The following ADAMTSL4 variants were observed in gnomAD, a reference collection of about 807,000 sequenced individuals.
The protein encoded by ADAMTSL4 is ADAMTS like 4.
A neutral mutation model predicts 122.8 loss-of-function variants in ADAMTSL4; 97 were observed. That is an observed-to-expected ratio of 0.79 (90% CI 0.67 to 0.93). The LOEUF is 0.93. Among genes scored for constraint, ADAMTSL4 ranks in the 40% least tolerant of loss-of-function variants. The probability of loss-of-function intolerance (pLI) is 0.00; values close to 1 mark genes in which losing one functional copy is unlikely to be tolerated. For missense variants in ADAMTSL4, 1,408 were observed against 1,453.5 expected, an observed-to-expected ratio of 0.97 and a Z score of 0.51; for synonymous variants, 592 against 568.0, an observed-to-expected ratio of 1.04 and a Z score of -0.60.
At chr1:150,551,526 TC>T (rs1268710456) in intron 2 of ADAMTSL4, 1 of 160,698 alleles carries the variant, frequency 6.2e-6, no homozygotes, top group Admixed American at 5.8e-5. Flanking sequence ...GTCTGGCGCA[TC>T]CTCAGTGGAG....
At chr1:150,558,687 G>A in intron 15 of ADAMTSL4, 38 bp downstream of exon 15, 1 of 1,613,772 alleles carries the variant, frequency 6.2e-7, no homozygotes, top group Non-Finnish European at 8.5e-7. Flanking sequence ...TGCATCCTGG[G>A]TAACCACGCC....
rs1376807334 is a variant in ADAMTSL4 at position 150,557,488 on chromosome 1, A to G, written c.2048-6A>G. On this transcript the variant is annotated splice_region_variant and splice_polypyrimidine_tract_variant and intron_variant, in intron 12 of 18. Transcript: ENST00000271643. ...TGCCTCCCTGGCTGCCTTCTCACCC[A>G]CTCAGGTGTCTGGCGCCCCATTTTC... is the stretch of plus-strand genomic sequence containing the variant. 1 of 1,612,904 alleles carries G rather than the reference A, an allele frequency of 6.2e-7. No homozygotes were observed. The highest frequency in any genetic ancestry group is 8.5e-7 in the Non-Finnish European group (1 of 1,179,890).
Position 150,554,738 on chromosome 1 carries a change from A to T in ADAMTSL4, c.1234+271A>T. ...CATCACTGGGGGTCAGGTGGCTGTG[A>T]CACAAGAGGGCCATGGTGGGAGAGA... On this transcript the variant is annotated intron_variant, in intron 7 of 18. Transcript: ENST00000271643. This position sits in a 1 kb window ranked among gnomAD's most constrained non-coding sequence, Gnocchi z 4.0. The T allele has an allele frequency of 7.5e-7, 1 of 1,340,832 alleles. No homozygotes were observed. 83.1% of individuals were successfully genotyped at this position (1,340,832 alleles called of 1,614,324 possible).
chr1:150,553,668 C>G lies in ADAMTSL4; in HGVS notation c.677C>G (p.Pro226Arg). The G allele has an allele frequency of 1.2e-6, 2 of 1,613,570 alleles. No homozygotes were observed. Among genetic ancestry groups the G allele is most frequent in the South Asian group, 2.2e-5 (2 of 91,060 alleles). ...GAACTGTCTGTCCACACCCCATCCC[C>G]CCAAGCAGAACCTCTAAGCCCTGAA... ...PTELSVHTPSPQAEPLSPETA... is the reference protein window; with the variant it reads ...PTELSVHTPSRQAEPLSPETA... Residue 226 changes from proline (P) to arginine (R), a missense_variant, in exon 6 of 19, where the codon CCC becomes CGC. Pro to Arg is a moderately radical substitution (Grantham distance 103). Coordinates refer to ENST00000271643, the MANE Select transcript of ADAMTSL4 (RefSeq NM_019032.6).
In ADAMTSL4 at chr1:150,553,744, T is replaced by A; in HGVS notation, c.753T>A (p.His251Gln). The change falls in exon 6 of 19, where the codon CAT (histidine) becomes CAA (glutamine). Residue 251 changes from histidine (H) to glutamine (Q), a missense_variant. Physicochemically the swap from His to Gln is conservative, Grantham distance 24. Coordinates refer to ENST00000271643, the MANE Select transcript of ADAMTSL4 (RefSeq NM_019032.6). ...APRTRPAPLR[H>Q]HPRAQASGTE... ...GAACCAGGCCTGCCCCCCTACGGCA[T>A]CACCCCAGAGCCCAGGCCTCTGGCA... The A allele has an allele frequency of 6.2e-7, 1 of 1,607,696 alleles. No individual in the cohort carries two copies. The highest frequency in any genetic ancestry group is 8.5e-7 in the Non-Finnish European group (1 of 1,177,242).
rs1456256960 is a variant in ADAMTSL4 at position 150,558,575 on chromosome 1, C to T, written c.2485C>T (p.Gln829Ter). The change falls in exon 15 of 19, where the codon CAG (glutamine) becomes TAG (stop). Residue 829 changes from glutamine (Q) to a stop codon, truncating the protein, a stop_gained. Transcript: ENST00000271643. LOFTEE classifies it high-confidence loss of function. ...SEQECASGPP[Q>*]PPSREACDMG... ...GCAGGAGTGTGCGTCAGGCCCCCCGCAGCCCCCCAGCAGAGAGGCCTGTGA... is the reference window on the plus strand; with the variant it reads ...GCAGGAGTGTGCGTCAGGCCCCCCGTAGCCCCCCAGCAGAGAGGCCTGTGA... The T allele has an allele frequency of 1.2e-6, 2 of 1,613,076 alleles. No homozygotes were observed. Among genetic ancestry groups the T allele is most frequent in the Non-Finnish European group, 1.7e-6 (2 of 1,179,316 alleles).
rs1456785790 is a variant in ADAMTSL4 at position 150,556,986 on chromosome 1, C to T, written c.1797C>T (p.Ile599=). The T allele has an allele frequency of 1.2e-6, 2 of 1,614,040 alleles. No homozygotes were observed. Among genetic ancestry groups the T allele is most frequent in the Non-Finnish European group, 8.5e-7 (1 of 1,179,986 alleles). Residue 599 remains isoleucine (I), a synonymous_variant, in exon 11 of 19, where the codon ATC becomes ATT. Coordinates refer to ENST00000271643, the MANE Select transcript of ADAMTSL4 (RefSeq NM_019032.6). The surrounding 1 kb of genome is among the most constrained non-coding windows in gnomAD (Gnocchi z 4.1). ...ENPGVFYQYV[I]SSPPPILENP... ...CAGGCGTTTTTTATCAGTATGTCAT[C>T]TCTTCACCTCCTCCAATCCTTGAGA...
At position 150,554,115 on chromosome 1, in the gene ADAMTSL4, G is replaced by A; in HGVS notation, c.1124G>A (p.Ser375Asn). 3 of 1,599,348 alleles carry A rather than the reference G, an allele frequency of 1.9e-6. No individual in the cohort carries two copies. Among genetic ancestry groups the A allele is most frequent in the Non-Finnish European group, 2.5e-6 (3 of 1,179,924 alleles). ...SGESEQLRAC[S>N]QAPCPPEQPD... ...GAGAGTGAACAGCTAAGAGCCTGCA[G>A]CCAAGCGGTGAGTCTCCTCGGGCCT... Residue 375 changes from serine to asparagine, a missense_variant, in exon 6 of 19, where the codon AGC becomes AAC. Transcript: ENST00000271643. This position sits in a 1 kb window ranked among gnomAD's most constrained non-coding sequence, Gnocchi z 4.0.
rs898140143 is a variant in ADAMTSL4, at chr1:150,552,759, G to A, written c.79-139G>A. 42 of 1,272,204 alleles carry A rather than the reference G, an allele frequency of 3.3e-5. No individual in the cohort carries two copies. The highest frequency in any genetic ancestry group is 1.2e-4 in the South Asian group (10 of 81,798). 78.8% of individuals were successfully genotyped at this position (1,272,204 alleles called of 1,614,324 possible). A position where few individuals can be genotyped will look rare whatever the true frequency, so the allele number is the denominator to read the frequency against. On this transcript the variant is annotated intron_variant, in intron 4 of 18. Coordinates refer to ENST00000271643, the MANE Select transcript of ADAMTSL4 (RefSeq NM_019032.6). This position sits in a 1 kb window ranked among gnomAD's most constrained non-coding sequence, Gnocchi z 4.0. ...CCTTGCCTCATAACACCAAGAGGCC[G>A]AGGTGTAGTTCTCCCTCTGCTGCTG... is the stretch of plus-strand genomic sequence containing the variant.
Position 150,558,947 on chromosome 1 carries a change from T to C in ADAMTSL4, c.2560-15T>C. On this transcript the variant is annotated splice_polypyrimidine_tract_variant and intron_variant, in intron 15 of 18. Transcript: ENST00000271643. ...CCAGCAGGCCCCTCACACAGGCCGCTCTCCTCCTCCGCAGTGCTCAGCCGA... is the reference window on the plus strand; with the variant it reads ...CCAGCAGGCCCCTCACACAGGCCGCCCTCCTCCTCCGCAGTGCTCAGCCGA... The C allele has an allele frequency of 6.3e-7, 1 of 1,596,016 alleles. No individual in the cohort carries two copies. The highest frequency in any genetic ancestry group is 8.5e-7 in the Non-Finnish European group (1 of 1,173,908).
Position 150,559,624 on chromosome 1 carries a change from G to A in ADAMTSL4, c.2944-137G>A. The A allele has an allele frequency of 1.3e-6, 2 of 1,555,320 alleles. No individual in the cohort carries two copies. The highest frequency in any genetic ancestry group is 1.8e-6 in the Non-Finnish European group (2 of 1,141,870). The stretch of plus-strand genomic sequence containing the variant: ...TTCTTATAGACTTGGAGGAAAGATG[G>A]GCCCTCTCCATTTGGGATTTCACAA... On this transcript the variant is annotated intron_variant, in intron 17 of 18. Transcript: ENST00000271643. This position sits in a 1 kb window ranked among gnomAD's most constrained non-coding sequence, Gnocchi z 4.1.
rs1310754162 is a variant in ADAMTSL4, at chr1:150,549,981, A to C, written c.-85+86A>C. On this transcript the variant is annotated intron_variant, in intron 2 of 18. Transcript: ENST00000271643. The surrounding 1 kb of genome is among the most constrained non-coding windows in gnomAD (Gnocchi z 5.0). ...CCTGTTGGGGTGGCCTGCCAGACCC[A>C]GGAGTGGAGGGCTCTGAGGGCCCGG... is the stretch of plus-strand genomic sequence containing the variant. 2 of 217,106 alleles carry C rather than the reference A, an allele frequency of 9.2e-6. No homozygotes were observed. Among genetic ancestry groups the C allele is most frequent in the Non-Finnish European group, 2.1e-5 (2 of 97,044 alleles). The allele number at this position is 217,106 out of a possible 1,614,324, so 13.4% of individuals were successfully genotyped here.
Position 150,554,647 on chromosome 1 carries a change from C to A in ADAMTSL4, c.1234+180C>A. The A allele has an allele frequency of 6.5e-7, 1 of 1,540,062 alleles. No homozygotes were observed. The highest frequency in any genetic ancestry group is 8.7e-7 in the Non-Finnish European group (1 of 1,146,838). ...GACAGCACAGGTGGTGAGTGGTCTG[C>A]AGAAGGGTCGGGGTGGGAGGAGGAG... On this transcript the variant is annotated intron_variant, in intron 7 of 18. Coordinates refer to ENST00000271643, the MANE Select transcript of ADAMTSL4 (RefSeq NM_019032.6). This position sits in a 1 kb window ranked among gnomAD's most constrained non-coding sequence, Gnocchi z 4.0.
At chr1:150,550,058 G>A (rs1357208559) in intron 2 of ADAMTSL4, 163 bp downstream of exon 2, 4 of 353,174 alleles carry the variant, frequency 1.1e-5, no homozygotes, top group Non-Finnish European at 1.1e-5. Context: ...GAAACACAGG[G>A]TCCAACCACT....
chr1:150,555,851 A>G lies in ADAMTSL4; in HGVS notation c.1371+286A>G, dbSNP rs1672042298. The G allele has an allele frequency of 4.9e-6, 3 of 606,558 alleles. No homozygotes were observed. In the African/African-American group the frequency reaches 5.5e-5, roughly 11 times the overall value. 37.6% of individuals were successfully genotyped at this position (606,558 alleles called of 1,614,324 possible). A position where few individuals can be genotyped will look rare whatever the true frequency, so the allele number is the denominator to read the frequency against. ...TGCAGACACATGCACACACATGTAGACACACATGCATGAACACATGCACAC... is the reference window on the plus strand; with the variant it reads ...TGCAGACACATGCACACACATGTAGGCACACATGCATGAACACATGCACAC... On this transcript the variant is annotated intron_variant, in intron 8 of 18. Coordinates refer to ENST00000271643, the MANE Select transcript of ADAMTSL4 (RefSeq NM_019032.6).
At chr1:150,555,642 T>TACGC (rs1553912317) in intron 8 of ADAMTSL4, 77 bp downstream of exon 8, 7 of 1,574,840 alleles carry the variant, frequency 4.4e-6, no homozygotes, top group African/African-American at 1.3e-5. Flanking sequence ...CATACACATG[T>TACGC]ACACACATAT....
At position 150,556,313 on chromosome 1, in the gene ADAMTSL4, C is replaced by T. The variant is rs768692911; in HGVS notation, c.1523C>T (p.Ala508Val). 6 of 1,614,090 alleles carry T rather than the reference C, an allele frequency of 3.7e-6. No individual in the cohort carries two copies. The highest frequency in any genetic ancestry group is 3.3e-4 in the Middle Eastern group (2 of 6,060). Residue 508 changes from alanine to valine, a missense_variant, in exon 9 of 19, where the codon GCG (alanine) becomes GTG (valine). Physicochemically the swap from Ala to Val is moderately conservative, Grantham distance 64. Transcript: ENST00000271643. The surrounding 1 kb of genome is among the most constrained non-coding windows in gnomAD (Gnocchi z 4.1). Reference sequence around the variant, plus strand: ...TATCAGAAGATCTTGTGGATTCCAGCGGGAGCCTTGCGGCTCCAGATTGCC... The same window carrying T: ...TATCAGAAGATCTTGTGGATTCCAGTGGGAGCCTTGCGGCTCCAGATTGCC... ...LGYQKILWIP[A>V]GALRLQIAQL...
Position 150,559,867 on chromosome 1 carries a change from A to G in ADAMTSL4, c.3050A>G (p.Lys1017Arg). ...RCPPQLRPSRKRPCNSQPCSQ... is the reference protein window; with the variant it reads ...RCPPQLRPSRRRPCNSQPCSQ... ...CCTCCTCAACTGCGGCCCTCCAGGA[A>G]GCGCCCCTGTAACAGCCAACCCTGC... Residue 1017 changes from lysine (K) to arginine (R), a missense_variant, in exon 18 of 19, where the codon AAG (lysine) becomes AGG (arginine). By Grantham distance (26) the Lys-to-Arg change is conservative. Coordinates refer to ENST00000271643, the MANE Select transcript of ADAMTSL4 (RefSeq NM_019032.6). The surrounding 1 kb of genome is among the most constrained non-coding windows in gnomAD (Gnocchi z 4.1). The G allele has an allele frequency of 6.2e-7, 1 of 1,613,962 alleles. No individual in the cohort carries two copies. The highest frequency in any genetic ancestry group is 8.5e-7 in the Non-Finnish European group (1 of 1,179,986).
At chr1:150,550,505 G>A (rs1007551988) in intron 2 of ADAMTSL4, 3 of 368,478 alleles carry the variant, frequency 8.1e-6, no homozygotes, top group East Asian at 7.3e-5. Flanking sequence ...GAGGGGCTGC[G>A]AGAAGAGATC....
Sources: gnomAD v4.1 joint callset for allele counts on GRCh38, gnomAD v4.1.1 for gene constraint, Gnocchi (gnomAD v3.1) non-coding constraint, MANE v1.5 for transcripts, NCBI Gene and HGNC (gene_info 2026-07-23, HGNC 2026-07-21) for gene names.